EVI5L: variants seen among roughly 807,000 people sequenced by gnomAD.
The protein encoded by EVI5L is EVI5-like protein.
Under a neutral mutation model 106.1 loss-of-function variants are expected in EVI5L, and 30 were observed. That is an observed-to-expected ratio of 0.28 (90% confidence interval 0.21 to 0.38). The LOEUF is 0.38. Ranked by LOEUF, EVI5L falls within the 10% of genes least tolerant of loss-of-function variation. The pLI, the probability that EVI5L is intolerant of heterozygous loss-of-function variation, is 1.00. For missense variants in EVI5L, 809 were observed against 1,098.0 expected (o/e 0.74, Z 3.72); for synonymous variants, 489 against 483.3 (o/e 1.01, Z -0.15).
In EVI5L at chr19:7,863,430, C is replaced by T. The variant is rs1462744969; in HGVS notation, c.2146C>T (p.Leu716=). ...QIEELKAEVR[L]LKGPPPFEDP... is the part of the protein sequence containing the mutation. ...CGCCGGTCCCCCGCCCCAGGTGCGG[C>T]TGCTGAAGGGCCCGCCGCCCTTCGA... is the stretch of plus-strand genomic sequence containing the variant. Residue 716 remains leucine (L), a synonymous_variant, in exon 20 of 20, where the codon CTG becomes TTG. Coordinates refer to ENST00000538904, the MANE Select transcript of EVI5L (RefSeq NM_001159944.3). The surrounding 1 kb of genome is among the most constrained non-coding windows in gnomAD (Gnocchi z 7.7). 8 of 1,542,738 alleles carry T rather than the reference C, an allele frequency of 5.2e-6. No individual in the cohort carries two copies. The Admixed American group carries it at 1.4e-4, about 27-fold the overall frequency.
intron 1 of EVI5L, among the ~76,000 whole-genome samples, chr19:7,838,448 G>A (rs1978448011): frequency 6.6e-6 from 1 of 152,214 alleles, no homozygotes; most frequent in Non-Finnish European, 1.5e-5. Flanking sequence ...GGGTCTTGGG[G>A]AGGAAGACCA....
At position 7,857,080 on chromosome 19, in the gene EVI5L, T is replaced by G; in HGVS notation, c.1201-12T>G. 6.4e-7 allele frequency: 1 copy of G among 1,551,732 alleles called. No individual in the cohort carries two copies. The highest frequency in any genetic ancestry group is 8.7e-7 in the Non-Finnish European group (1 of 1,146,952). ...CCTCCCCCTGTCGCTGGGAACCCCC[T>G]TCGCCGGGTAGGAGAGCGCTGCTCT... is the stretch of plus-strand genomic sequence containing the variant. On this transcript the variant is annotated splice_polypyrimidine_tract_variant and intron_variant, in intron 11 of 19. Coordinates refer to ENST00000538904, the MANE Select transcript of EVI5L (RefSeq NM_001159944.3). The surrounding 1 kb of genome is among the most constrained non-coding windows in gnomAD (Gnocchi z 4.5).
Position 7,850,571 on chromosome 19 carries a change from G to T in EVI5L, c.753+449G>T, listed in dbSNP as rs1413490976. Among the ~76,000 whole-genome samples the T allele has an allele frequency of 6.6e-6, 1 of 152,166 alleles. No homozygotes were observed. The highest frequency in any genetic ancestry group is 2.4e-5 in the African/African-American group (1 of 41,442). The stretch of plus-strand genomic sequence containing the variant: ...GCTGGCAGGCAGAGCCGCCAAGGCC[G>T]TTTGCGAACATACACACACCCGCAT... On this transcript the variant is annotated intron_variant, in intron 6 of 19. Coordinates refer to ENST00000538904, the MANE Select transcript of EVI5L (RefSeq NM_001159944.3). This position sits in a 1 kb window ranked among gnomAD's most constrained non-coding sequence, Gnocchi z 5.4.
chr19:7,863,111 GCCC>G lies in EVI5L; in HGVS notation c.2043+45_2043+47del, dbSNP rs1363101935. ...GTCGGGGGGCGGGGGCGGGGGCAGG[GCCC>G]GGGGCAGGAGCGGGGCCGGACCCCA... On this transcript the variant is annotated intron_variant, in intron 18 of 19. Transcript: ENST00000538904. The surrounding 1 kb of genome is among the most constrained non-coding windows in gnomAD (Gnocchi z 7.7). 9.8e-6 allele frequency: 15 copies of G among 1,524,588 alleles called. No homozygotes were observed. Among genetic ancestry groups the G allele is most frequent in the Non-Finnish European group, 1.2e-5 (14 of 1,136,976 alleles). 94.4% of individuals were successfully genotyped at this position (1,524,588 alleles called of 1,614,324 possible).
In EVI5L at chr19:7,857,190, C is replaced by T; in HGVS notation, c.1233+66C>T. The T allele has an allele frequency of 2.0e-6, 3 of 1,537,396 alleles. No homozygotes were observed. Among genetic ancestry groups the T allele is most frequent in the Non-Finnish European group, 1.8e-6 (2 of 1,135,522 alleles). On this transcript the variant is annotated intron_variant, in intron 12 of 19. Transcript: ENST00000538904. The surrounding 1 kb of genome is among the most constrained non-coding windows in gnomAD (Gnocchi z 4.5). Reference sequence around the variant, plus strand: ...CCCCTTCCCTGCACCCTGCACATGACAGCCAGTAACCGCCTCTTCCCTGCC... The same window carrying T: ...CCCCTTCCCTGCACCCTGCACATGATAGCCAGTAACCGCCTCTTCCCTGCC...
chr19:7,848,281 C>T lies in EVI5L; in HGVS notation c.327+360C>T, dbSNP rs908864265. Among the ~76,000 whole-genome samples the T allele has an allele frequency of 6.6e-6, 1 of 151,750 alleles. No homozygotes were observed. The highest frequency in any genetic ancestry group is 1.5e-5 in the Non-Finnish European group (1 of 67,930). On this transcript the variant is annotated intron_variant, in intron 3 of 19. Transcript: ENST00000538904. This position sits in a 1 kb window ranked among gnomAD's most constrained non-coding sequence, Gnocchi z 4.8. ...CAGCCTGGGCAACGTAATGAGACTC[C>T]GACTCTATAAAAAGTTTAAAAATTA...
rs1415553315 is a variant in EVI5L, at chr19:7,850,600, TACACACACACGCAGACAC to T, written c.753+489_753+506del. ...GCGAACATACACACACCCGCATGCA[TACACACACACGCAGACAC>T]ACACACACACACCGGCCCGCCTCAG... is the stretch of plus-strand genomic sequence containing the variant. On this transcript the variant is annotated intron_variant, in intron 6 of 19. Coordinates refer to ENST00000538904, the MANE Select transcript of EVI5L (RefSeq NM_001159944.3). The surrounding 1 kb of genome is among the most constrained non-coding windows in gnomAD (Gnocchi z 5.4). Among the ~76,000 whole-genome samples, 1 of 151,934 alleles carries T rather than the reference TACACACACACGCAGACAC, an allele frequency of 6.6e-6. No individual in the cohort carries two copies. The highest frequency in any genetic ancestry group is 2.4e-5 in the African/African-American group (1 of 41,362).
In EVI5L at chr19:7,851,587, G is replaced by T; in HGVS notation, c.897+10G>T. On this transcript the variant is annotated intron_variant, in intron 7 of 19. Transcript: ENST00000538904. ...CATCTTCATGTATGAGGTGAGGACCGATGGTGCCTGGGGAGGGAAGAGAGC... is the reference window on the plus strand; with the variant it reads ...CATCTTCATGTATGAGGTGAGGACCTATGGTGCCTGGGGAGGGAAGAGAGC... 6.2e-7 allele frequency: 1 copy of T among 1,608,770 alleles called. No homozygotes were observed. The highest frequency in any genetic ancestry group is 8.5e-7 in the Non-Finnish European group (1 of 1,177,482).
Position 7,857,015 on chromosome 19 carries a change from C to A in EVI5L, c.1201-77C>A. 6.8e-7 allele frequency: 1 copy of A among 1,470,338 alleles called. No individual in the cohort carries two copies. Among genetic ancestry groups the A allele is most frequent in the Non-Finnish European group, 9.3e-7 (1 of 1,073,212 alleles). 91.1% of individuals were successfully genotyped at this position (1,470,338 alleles called of 1,614,324 possible). The stretch of plus-strand genomic sequence containing the variant: ...TGCGTTAGTGACAAGTGGTTCTTGT[C>A]TGTCTCCCCTCTCCTGTCCCCGCGC... On this transcript the variant is annotated intron_variant, in intron 11 of 19. Transcript: ENST00000538904. This position sits in a 1 kb window ranked among gnomAD's most constrained non-coding sequence, Gnocchi z 4.5.
chr19:7,863,998 G>A lies in EVI5L; in HGVS notation c.*296G>A, dbSNP rs906921397. 8 of 388,404 alleles carry A rather than the reference G, an allele frequency of 2.1e-5. No individual in the cohort carries two copies. The highest frequency in any genetic ancestry group is 3.7e-5 in the Non-Finnish European group (8 of 217,842). 24.1% of individuals were successfully genotyped at this position (388,404 alleles called of 1,614,324 possible). A position where few individuals can be genotyped will look rare whatever the true frequency, so the allele number is the denominator to read the frequency against. Reference sequence around the variant, plus strand: ...GGGCTGACTGCTCTCTTAACAGGAGGGCAGAGGGCAGGGGACAGACGACCC... The same window carrying A: ...GGGCTGACTGCTCTCTTAACAGGAGAGCAGAGGGCAGGGGACAGACGACCC... On this transcript the variant is annotated 3_prime_UTR_variant, in exon 20 of 20. Transcript: ENST00000538904. The surrounding 1 kb of genome is among the most constrained non-coding windows in gnomAD (Gnocchi z 7.7).
chr19:7,847,997 G>A (rs144945165), intron 3 of EVI5L, 76 bp downstream of exon 3: 15,344 of 1,457,190 alleles, frequency 0.011, 109 homozygotes, highest in Non-Finnish European at 0.013. Flanking sequence ...ACCAGGCAGC[G>A]CCAGGGTCTG....
rs1334004752 is a variant in EVI5L at position 7,830,273 on chromosome 19, G to A, written c.-156G>A. 2 of 151,764 alleles carry A rather than the reference G, an allele frequency of 1.3e-5. No individual in the cohort carries two copies. Among genetic ancestry groups the A allele is most frequent in the Admixed American group, 1.3e-4 (2 of 15,140 alleles). 9.4% of individuals were successfully genotyped at this position (151,764 alleles called of 1,614,324 possible). On this transcript the variant is annotated 5_prime_UTR_variant, in exon 1 of 20. Coordinates refer to ENST00000538904, the MANE Select transcript of EVI5L (RefSeq NM_001159944.3). ...GGCGGCGGCCGCGGTCCCGGGGGGC[G>A]GCTGAGGGGGCCGGGCCGGGGCTGC...
At position 7,853,091 on chromosome 19, in the gene EVI5L, C is replaced by T; in HGVS notation, c.993C>T (p.Phe331=). ...QLDMEGMSQY[F]QRVIPHQFDS... is the part of the protein sequence containing the mutation. ...GACCGGCTGTGTCCCCACAGTACTT[C>T]CAGAGAGTGATCCCCCACCAGTTCG... is the stretch of plus-strand genomic sequence containing the variant. The change falls in exon 9 of 20, where the codon TTC becomes TTT. Residue 331 remains phenylalanine (F), a synonymous_variant. Transcript: ENST00000538904. 1.9e-6 allele frequency: 3 copies of T among 1,613,770 alleles called. No individual in the cohort carries two copies. The highest frequency in any genetic ancestry group is 2.5e-6 in the Non-Finnish European group (3 of 1,180,022).
chr19:7,856,891 C>T lies in EVI5L; in HGVS notation c.1201-201C>T. Reference sequence around the variant, plus strand: ...TCCCCGCTCACACCGAACCCCTCTCCAGGACGGAGCTGGCTCTAGCTTTGG... The same window carrying T: ...TCCCCGCTCACACCGAACCCCTCTCTAGGACGGAGCTGGCTCTAGCTTTGG... On this transcript the variant is annotated intron_variant, in intron 11 of 19. Coordinates refer to ENST00000538904, the MANE Select transcript of EVI5L (RefSeq NM_001159944.3). The surrounding 1 kb of genome is among the most constrained non-coding windows in gnomAD (Gnocchi z 6.6). 4.2e-6 allele frequency: 3 copies of T among 711,378 alleles called. No homozygotes were observed. The South Asian group carries it at 4.5e-5, about 11-fold the overall frequency. The allele number at this position is 711,378 out of a possible 1,614,324, so 44.1% of individuals were successfully genotyped here.
chr19:7,839,991 C>T (rs1978529112), intron 1 of EVI5L, among the ~76,000 whole-genome samples: 2 of 152,088 alleles, frequency 1.3e-5, no homozygotes, highest in Non-Finnish European at 2.9e-5. Context: ...GGGTGGTAGA[C>T]TTGGCTGAGC....
At chr19:7,844,608 CTG>C (rs1978871338) in intron 1 of EVI5L, among the ~76,000 whole-genome samples, 1 of 152,250 alleles carries the variant, frequency 6.6e-6, no homozygotes, top group Admixed American at 6.5e-5. Context: ...GACTTTGACT[CTG>C]TGGGAGGCCC....
At position 7,847,782 on chromosome 19, in the gene EVI5L, G is replaced by A. The variant is rs1030298860; in HGVS notation, c.188G>A (p.Arg63Gln). Residue 63 changes from arginine (R) to glutamine (Q), a missense_variant, in exon 3 of 20, where the codon CGG becomes CAG. Physicochemically the swap from Arg to Gln is conservative, Grantham distance 43. Transcript: ENST00000538904. ...ATGCGCTCCATGAATGGCTCGCGGC[G>A]GAACAGTGGCTCCTCGCTAGTGTCC... ...KSMRSMNGSR[R>Q]NSGSSLVSSS... 1.2e-6 allele frequency: 2 copies of A among 1,613,248 alleles called. No homozygotes were observed. The highest frequency in any genetic ancestry group is 8.5e-7 in the Non-Finnish European group (1 of 1,179,792).
At chr19:7,831,929 G>C (rs540272166) in intron 1 of EVI5L, among the ~76,000 whole-genome samples, 2 of 152,366 alleles carry the variant, frequency 1.3e-5, no homozygotes, top group East Asian at 3.9e-4. Context: ...CCTGGGTCGG[G>C]GCCTGCCAGA....
At position 7,847,292 on chromosome 19, in the gene EVI5L, C is replaced by CA. The variant is rs199748856; in HGVS notation, c.138-432dup. ...GGGCAACAAGAGCAAAACTCCGTCT[C>CA]AAAAAAAAGGGGGCGCTGAGGGCAG... On this transcript the variant is annotated intron_variant, in intron 2 of 19. Transcript: ENST00000538904. 8.2e-4 allele frequency among the ~76,000 whole-genome samples: 124 copies of CA among 150,342 alleles called. 1 individual carries two copies. In the East Asian group the frequency reaches 0.022, roughly 26 times the overall value.
Sources: gnomAD v4.1 joint callset for allele counts (sites outside exome capture counted in the v4.1 genomes callset) on GRCh38, gnomAD v4.1.1 for gene constraint, Gnocchi (gnomAD v3.1) non-coding constraint, MANE v1.5 for transcripts, NCBI Gene and HGNC (gene_info 2026-07-23, HGNC 2026-07-21) for gene names.